CSMD2: variants seen among roughly 807,000 people sequenced by gnomAD.
CSMD2 encodes the protein CUB and Sushi multiple domains 2, also known as CUB and sushi domain-containing protein 2.
In CSMD2, 130 loss-of-function variants were observed where a neutral mutation model predicts 398.5. The observed-to-expected ratio is 0.33, with a 90% CI of 0.28 to 0.38. The LOEUF (loss-of-function observed/expected upper bound fraction) is 0.38. Among genes scored for constraint, CSMD2 ranks in the 10% least tolerant of loss-of-function variants. The pLI, the probability that CSMD2 is intolerant of heterozygous loss-of-function variation, is 1.00. For synonymous variants in CSMD2, 1,828 were observed against 1,908.5 expected, an observed-to-expected ratio of 0.96 and a Z score of 1.10; for missense variants, 3,829 against 4,764.9, an observed-to-expected ratio of 0.80 and a Z score of 5.78.
Position 34,132,966 on chromosome 1 carries a change from C to CTT in CSMD2, c.187+31943_187+31944dup, listed in dbSNP as rs59095706. On this transcript the variant is annotated intron_variant, in intron 1 of 70. Transcript: ENST00000373381. ...CACACACACAAACACACACACACAC[C>CTT]TTTTTTTTTTTTTTGGTTCTATTTC... Among the ~76,000 whole-genome samples, 271 of 144,362 alleles carry CTT rather than the reference C, an allele frequency of 1.9e-3. 1 individual carries two copies. The highest frequency in any genetic ancestry group is 4.1e-3 in the East Asian group (20 of 4,930). 94.7% of individuals were successfully genotyped at this position (144,362 alleles called of 152,430 possible). A position where few individuals can be genotyped will look rare whatever the true frequency, so the allele number is the denominator to read the frequency against.
chr1:33,600,130 T>C (rs1640116225), intron 44 of CSMD2: 1 of 712,574 alleles, frequency 1.4e-6, no homozygotes, highest in Admixed American at 2.1e-5. Context: ...GTGAAGAAAC[T>C]GAAGTCTCAA....
intron 26 of CSMD2, among the ~76,000 whole-genome samples, chr1:33,661,169 G>C (rs1280449146): frequency 6.6e-6 from 1 of 152,206 alleles, no homozygotes; most frequent in African/African-American, 2.4e-5. Flanking sequence ...ATCTGTGGGT[G>C]AATTTGTCAG....
chr1:33,573,736 G>A (rs1273934125), intron 49 of CSMD2, among the ~76,000 whole-genome samples: 6 of 152,196 alleles, frequency 3.9e-5, no homozygotes, highest in Admixed American at 3.9e-4. Flanking sequence ...ACAAAAAGTG[G>A]ATGGGATGGA....
intron 9 of CSMD2, among the ~76,000 whole-genome samples, chr1:33,815,085 C>A (rs757534051): frequency 6.6e-6 from 1 of 152,100 alleles, no homozygotes; most frequent in African/African-American, 2.4e-5. Context: ...TGTGGTATCA[C>A]GACAGATTCA....
chr1:34,022,321 A>G (rs1649010355), intron 3 of CSMD2, among the ~76,000 whole-genome samples: 1 of 152,018 alleles, frequency 6.6e-6, no homozygotes, highest in Admixed American at 6.6e-5. Flanking sequence ...TATTATTCTT[A>G]TTGTCCTCCT....
At chr1:33,836,352 G>A (rs945143977) in intron 6 of CSMD2, among the ~76,000 whole-genome samples, 7 of 152,226 alleles carry the variant, frequency 4.6e-5, no homozygotes, top group African/African-American at 1.7e-4. Context: ...CTCAGATCTT[G>A]AGCTGCGTGC....
chr1:33,856,780 G>A (rs574975887), intron 5 of CSMD2, among the ~76,000 whole-genome samples: 2 of 152,016 alleles, frequency 1.3e-5, no homozygotes, highest in African/African-American at 4.8e-5. Context: ...GTGAGCAAGT[G>A]GTCCTAGAGT....
In CSMD2 at chr1:33,756,175, C is replaced by A. The variant is rs146217407; in HGVS notation, c.1847-12569G>T. Among the ~76,000 whole-genome samples the A allele has an allele frequency of 2.3e-4, 35 of 152,308 alleles. No individual in the cohort carries two copies. In the East Asian group the frequency reaches 6.2e-3, roughly 27 times the overall value. ...GATCCATTTCAGGGTCATCTTCTCACTTGCTTGTCCTCTTTAGGGCACCTC... is the reference window on the plus strand; with the variant it reads ...GATCCATTTCAGGGTCATCTTCTCAATTGCTTGTCCTCTTTAGGGCACCTC... On this transcript the variant is annotated intron_variant, in intron 13 of 70. Coordinates refer to ENST00000373381, the MANE Select transcript of CSMD2 (RefSeq NM_001281956.2).
At chr1:33,869,683 C>T (rs903504207) in intron 5 of CSMD2, among the ~76,000 whole-genome samples, 4 of 152,210 alleles carry the variant, frequency 2.6e-5, no homozygotes, top group African/African-American at 9.6e-5. Flanking sequence ...CAGACAAATT[C>T]TCCTTCTTGT....
At chr1:34,035,163 A>T (rs950645348) in intron 2 of CSMD2, among the ~76,000 whole-genome samples, 2 of 152,208 alleles carry the variant, frequency 1.3e-5, no homozygotes, top group African/African-American at 4.8e-5. Context: ...AAGTTTCCCA[A>T]TATGAAACAG....
At chr1:33,581,453 C>T (rs1486108227) in intron 47 of CSMD2, among the ~76,000 whole-genome samples, 2 of 140,840 alleles carry the variant, frequency 1.4e-5, no homozygotes, top group East Asian at 2.1e-4. Flanking sequence ...GCACGAGAAT[C>T]GCTTGAACCC....
At chr1:34,160,090 A>G (rs187169490) in intron 1 of CSMD2, among the ~76,000 whole-genome samples, 3 of 152,174 alleles carry the variant, frequency 2.0e-5, no homozygotes, top group Admixed American at 1.3e-4. Flanking sequence ...GGTCAGGCAC[A>G]TGAATGAGGG....
intron 6 of CSMD2, among the ~76,000 whole-genome samples, chr1:33,832,716 GT>G (rs1023086859): frequency 2.0e-5 from 3 of 150,980 alleles, no homozygotes; most frequent in South Asian, 2.1e-4. Flanking sequence ...CCAGGAGCTG[GT>G]TTTTTGAAAG....
At chr1:33,652,583 CT>C in intron 27 of CSMD2, 122 bp from the exon 28 acceptor site, 1 of 1,076,156 alleles carries the variant, frequency 9.3e-7, no homozygotes, top group Non-Finnish European at 1.3e-6. Context: ...TTGAACCTGG[CT>C]TAGGGACTCA....
At position 33,587,176 on chromosome 1, in the gene CSMD2, G is replaced by C. The variant is rs765803259; in HGVS notation, c.6857-8C>G. The C allele has an allele frequency of 4.4e-6, 7 of 1,600,378 alleles. No homozygotes were observed. The Admixed American group carries it at 1.0e-4, about 24-fold the overall frequency. On this transcript the variant is annotated splice_polypyrimidine_tract_variant and splice_region_variant and intron_variant, in intron 44 of 70. Coordinates refer to ENST00000373381, the MANE Select transcript of CSMD2 (RefSeq NM_001281956.2). The stretch of plus-strand genomic sequence containing the variant: ...ATTTGGTGAGTGGATAAGCTGAAAA[G>C]ATAAAAGCAGGCAAGTCAGGGTAAG...
chr1:33,597,025 T>G (rs1639885072), intron 44 of CSMD2, among the ~76,000 whole-genome samples: 1 of 152,198 alleles, frequency 6.6e-6, no homozygotes, highest in Admixed American at 6.5e-5. Context: ...TTCCCAAAAT[T>G]TATTTCTATT....
intron 2 of CSMD2, among the ~76,000 whole-genome samples, chr1:34,059,078 C>G (rs1254092834): frequency 6.6e-6 from 1 of 152,134 alleles, no homozygotes; most frequent in African/African-American, 2.4e-5. Flanking sequence ...CATGGCAGGA[C>G]ACAAGTAAGT....
chr1:33,932,180 G>C (rs1332200615), intron 4 of CSMD2, among the ~76,000 whole-genome samples: 2 of 152,084 alleles, frequency 1.3e-5, no homozygotes, highest in Non-Finnish European at 1.5e-5. Context: ...GGTTTTCATG[G>C]GCCAAGTTTG....
At chr1:33,735,241 C>T (rs141699274) in intron 15 of CSMD2, among the ~76,000 whole-genome samples, 54 of 152,274 alleles carry the variant, frequency 3.5e-4, no homozygotes, top group East Asian at 1.4e-3. Flanking sequence ...GAAGATCCTA[C>T]GCAGGTGACT....
Sources: allele counts gnomAD v4.1 joint callset (sites outside exome capture counted in the v4.1 genomes callset), GRCh38; gene constraint gnomAD v4.1.1; transcripts MANE v1.5; gene names NCBI Gene and HGNC (gene_info 2026-07-23, HGNC 2026-07-21).